The following YME1L1 variants were observed in gnomAD, a reference collection of about 807,000 sequenced individuals.
The protein encoded by YME1L1 is YME1 like 1 ATPase.
A neutral mutation model predicts 90.4 loss-of-function variants in YME1L1; 39 were observed. That is an observed-to-expected ratio of 0.43 (90% CI 0.33 to 0.56). The LOEUF is 0.56. YME1L1 is among the 20% of genes least tolerant of loss of function. The pLI is 0.03. For synonymous variants in YME1L1, 284 were observed against 287.3 expected (o/e 0.99, Z 0.12); for missense variants, 617 against 868.4 (o/e 0.71, Z 3.64).
chr10:27,117,336 G>A (rs1256671862), intron 15 of YME1L1, among the ~76,000 whole-genome samples: 2 of 152,204 alleles, frequency 1.3e-5, no homozygotes. Flanking sequence ...GGGAGACTGA[G>A]GCAGGTGGAT....
intron 14 of YME1L1, among the ~76,000 whole-genome samples, 196 bp from the exon 15 acceptor site, chr10:27,117,923 A>G (rs150591945): frequency 2.1e-3 from 314 of 152,364 alleles, no homozygotes; most frequent in African/African-American, 7.3e-3. Context: ...AAAATACATT[A>G]TAACAACTAT....
chr10:27,146,003 T>C (rs956321792), intron 2 of YME1L1: 6 of 155,206 alleles, frequency 3.9e-5, no homozygotes, highest in Non-Finnish European at 2.9e-5. Context: ...TGATCAAGCA[T>C]TTATAATGAC....
chr10:27,131,785 A>C, intron 8 of YME1L1, 74 bp downstream of exon 8: 1 of 1,134,956 alleles, frequency 8.8e-7, no homozygotes. Context: ...TACACTGTAG[A>C]ATCAAATATC....
At chr10:27,121,230 C>T (rs146960985) in intron 12 of YME1L1, among the ~76,000 whole-genome samples, 156 bp downstream of exon 12, 1 of 152,188 alleles carries the variant, frequency 6.6e-6, no homozygotes, top group East Asian at 1.9e-4. Flanking sequence ...CCTCTGGTAA[C>T]CGCTAACCCA....
At chr10:27,151,372 T>A (rs2057213920) in intron 1 of YME1L1, among the ~76,000 whole-genome samples, 1 of 152,230 alleles carries the variant, frequency 6.6e-6, no homozygotes, top group South Asian at 2.1e-4. Flanking sequence ...GTAATCCTGT[T>A]AAGAGGTGGG....
intron 8 of YME1L1, among the ~76,000 whole-genome samples, chr10:27,130,801 C>T (rs1325872582): frequency 2.0e-5 from 3 of 152,170 alleles, no homozygotes; most frequent in African/African-American, 4.8e-5. Flanking sequence ...TGCACTGAGC[C>T]GAGATCACGC....
chr10:27,145,680 T>C, intron 2 of YME1L1, 90 bp from the exon 3 acceptor site: 1 of 1,085,522 alleles, frequency 9.2e-7, no homozygotes. Flanking sequence ...ACAATCAGAT[T>C]TTAAAAGTCT....
At chr10:27,113,219 CAAAAAAAAAAAAAAAAAAAA>C (rs869122796) in intron 18 of YME1L1, among the ~76,000 whole-genome samples, 144 of 43,078 alleles carry the variant, frequency 3.3e-3, no homozygotes, top group Non-Finnish European at 4.6e-3. Flanking sequence ...GATGCTGTCT[CAAAAAAAAAAAAAAAAAAAA>C]AAAAAAAAAA....
At chr10:27,128,946 TGTG>T (rs2056948374) in intron 8 of YME1L1, among the ~76,000 whole-genome samples, 1 of 150,794 alleles carries the variant, frequency 6.6e-6, no homozygotes, top group African/African-American at 2.4e-5. Context: ...ATTAGCCAAG[TGTG>T]GTGGTGCATG....
chr10:27,123,635 T>C lies in YME1L1; in HGVS notation c.1014A>G (p.Glu338=). 2 of 1,613,882 alleles carry C rather than the reference T, an allele frequency of 1.2e-6. No individual in the cohort carries two copies. Among genetic ancestry groups the C allele is most frequent in the South Asian group, 1.1e-5 (1 of 91,064 alleles). The change falls in exon 10 of 19, where the codon GAA becomes GAG. Residue 338 remains glutamate, a synonymous_variant. Transcript: ENST00000376016. ...AAGCATAATAAAAAGGAACATCAGC[T>C]TCTCCCGCCACAGCTCGGGCAAGAA... ...KTLLARAVAG[E]ADVPFYYASG... is the part of the protein sequence containing the mutation.
intron 7 of YME1L1, among the ~76,000 whole-genome samples, chr10:27,133,457 G>C (rs1479026585): frequency 6.6e-6 from 1 of 152,154 alleles, no homozygotes; most frequent in African/African-American, 2.4e-5. Context: ...ATGGGGTTAA[G>C]GAGAAATGCT....
At chr10:27,144,779 GA>G (rs1404751992) in intron 3 of YME1L1, among the ~76,000 whole-genome samples, 11 of 152,366 alleles carry the variant, frequency 7.2e-5, no homozygotes, top group Middle Eastern at 3.4e-3. Flanking sequence ...GACACTTGCA[GA>G]GAACTAGTGA....
At position 27,114,481 on chromosome 10, in the gene YME1L1, T is replaced by C. The variant is rs561168021; in HGVS notation, c.2007+40A>G. 7.8e-6 allele frequency: 12 copies of C among 1,538,664 alleles called. No individual in the cohort carries two copies. In the East Asian group the frequency reaches 2.3e-4, roughly 29 times the overall value. Reference sequence around the variant, plus strand: ...TAAGAACCTGACTATTTAAGCACATTGTTCCTAAGAAAATAAATAAGCACA... The same window carrying C: ...TAAGAACCTGACTATTTAAGCACATCGTTCCTAAGAAAATAAATAAGCACA... On this transcript the variant is annotated intron_variant, in intron 18 of 18. Coordinates refer to ENST00000376016, the MANE Select transcript of YME1L1 (RefSeq NM_014263.4).
intron 2 of YME1L1, chr10:27,147,504 T>A: frequency 6.2e-7 from 1 of 1,612,386 alleles, no homozygotes; most frequent in Non-Finnish European, 8.5e-7. Flanking sequence ...GTACAGGGAT[T>A]GAGAGGGAGA....
In YME1L1 at chr10:27,131,875, A is replaced by C; in HGVS notation, c.842T>G (p.Phe281Cys). 1 of 1,612,738 alleles carries C rather than the reference A, an allele frequency of 6.2e-7. No individual in the cohort carries two copies. ...TTAACTTACCCCTTTAACATGTTCA[A>C]AGGTGACATTTTTCATCTGGACAGG... The part of the protein sequence containing the change: ...VDPVQMKNVT[F>C]EHVKGVEEAK... Residue 281 changes from phenylalanine (F) to cysteine (C), a missense_variant, in exon 8 of 19, where the codon TTT (phenylalanine) becomes TGT (cysteine). Phe to Cys is a radical substitution (Grantham distance 205). This residue lies in a region of YME1L1 where 93 missense variants were observed against 184.8 expected (regional missense o/e 0.50). Transcript: ENST00000376016.
Position 27,154,382 on chromosome 10 carries a change from G to A in YME1L1, c.-172C>T, listed in dbSNP as rs1386516909. 6.7e-6 allele frequency: 5 copies of A among 749,888 alleles called. No individual in the cohort carries two copies. The highest frequency in any genetic ancestry group is 3.0e-5 in the Admixed American group (1 of 33,698). 46.5% of individuals were successfully genotyped at this position (749,888 alleles called of 1,614,324 possible). Reference sequence around the variant, plus strand: ...CCTTCCTACAGCTACTGCAACGACAGACAATCCGCCCCGGAAGGCGAGGCG... The same window carrying A: ...CCTTCCTACAGCTACTGCAACGACAAACAATCCGCCCCGGAAGGCGAGGCG... On this transcript the variant is annotated 5_prime_UTR_variant, in exon 1 of 19. Coordinates refer to ENST00000376016, the MANE Select transcript of YME1L1 (RefSeq NM_014263.4).
chr10:27,120,632 G>T, intron 12 of YME1L1, 85 bp from the exon 13 acceptor site: 1 of 1,046,302 alleles, frequency 9.6e-7, no homozygotes, highest in Non-Finnish European at 1.4e-6. Context: ...TGACGTGACT[G>T]GGAAGCCAAT....
intron 11 of YME1L1, among the ~76,000 whole-genome samples, chr10:27,122,120 C>G (rs2056873824): frequency 6.6e-6 from 1 of 152,158 alleles, no homozygotes; most frequent in Non-Finnish European, 1.5e-5. Context: ...ATCCTCCCAC[C>G]TTGGCTTCCA....
chr10:27,133,446 T>TG (rs1414259383), intron 7 of YME1L1, among the ~76,000 whole-genome samples: 3 of 152,072 alleles, frequency 2.0e-5, no homozygotes, highest in African/African-American at 7.2e-5. Context: ...GCTGGCAAAA[T>TG]ATGGGGTTAA....
Sources: allele counts gnomAD v4.1 joint callset (sites outside exome capture counted in the v4.1 genomes callset), GRCh38; gene constraint gnomAD v4.1.1; regional missense constraint gnomAD v4.1.1; transcripts MANE v1.5; gene names NCBI Gene and HGNC (gene_info 2026-07-23, HGNC 2026-07-21).